Variants in PDE1A observed in about 807,000 individuals in gnomAD.
The protein encoded by PDE1A is phosphodiesterase 1A.
Under a neutral mutation model 61.7 loss-of-function variants are expected in PDE1A, and 35 were observed. The ratio of observed to expected loss-of-function variants is 0.57; its 90% confidence interval spans 0.43 to 0.75. The LOEUF (loss-of-function observed/expected upper bound fraction) is 0.75, where lower values mean the gene tolerates loss of function less well. Ranked by LOEUF, PDE1A falls within the 30% of genes least tolerant of loss-of-function variation. The pLI is 0.00. For synonymous variants in PDE1A, 232 were observed against 213.2 expected, an observed-to-expected ratio of 1.09 and a Z score of -0.77; for missense variants, 597 against 630.6, an observed-to-expected ratio of 0.95 and a Z score of 0.57.
intron 8 of PDE1A, 148 bp from the exon 9 acceptor site, chr2:182,201,937 C>T (rs1405193826): frequency 1.7e-5 from 10 of 601,700 alleles, no homozygotes; most frequent in Non-Finnish European, 2.9e-5. Flanking sequence ...AAAGTCCACA[C>T]ACAAGTTTGA....
chr2:182,326,077 A>G (rs867689700), intron 1 of PDE1A, among the ~76,000 whole-genome samples: 7 of 152,216 alleles, frequency 4.6e-5, no homozygotes, highest in African/African-American at 1.4e-4. Flanking sequence ...CAAAACCACA[A>G]TGAGATATCA....
the PDE1A span, among the ~76,000 whole-genome samples, chr2:182,703,972 G>A: frequency 1.5e-4 from 23 of 151,790 alleles, no homozygotes; most frequent in South Asian, 8.3e-4. Context: ...AGGCTGAGGC[G>A]GGAGGATTAC....
chr2:182,309,764 C>A (rs1428707140), intron 1 of PDE1A, among the ~76,000 whole-genome samples: 3 of 151,942 alleles, frequency 2.0e-5, no homozygotes, highest in African/African-American at 7.3e-5. Context: ...TGGAAAATAT[C>A]AAAACCATAA....
At chr2:182,566,622 G>C in the PDE1A span, among the ~76,000 whole-genome samples, 1 of 151,840 alleles carries the variant, frequency 6.6e-6, no homozygotes, top group African/African-American at 2.4e-5. Context: ...AACTGGAAAA[G>C]GCTTCAGTGT....
intron 1 of PDE1A, among the ~76,000 whole-genome samples, chr2:182,328,543 G>T (rs1390562891): frequency 6.6e-6 from 1 of 152,132 alleles, no homozygotes; most frequent in Non-Finnish European, 1.5e-5. Flanking sequence ...CTATGATCAA[G>T]AATTTTTGGA....
chr2:182,647,687 G>A, the PDE1A span, among the ~76,000 whole-genome samples: 1 of 152,074 alleles, frequency 6.6e-6, no homozygotes, highest in Non-Finnish European at 1.5e-5. Context: ...ATTAGTGTAT[G>A]GCTTTTAAAG....
intron 10 of PDE1A, among the ~76,000 whole-genome samples, chr2:182,199,140 G>A (rs963435919): frequency 3.3e-5 from 5 of 151,828 alleles, no homozygotes; most frequent in African/African-American, 1.2e-4. Flanking sequence ...GGCATAAATT[G>A]TGCATAATAT....
intron 2 of PDE1A, among the ~76,000 whole-genome samples, chr2:182,517,630 T>G (rs531744100): frequency 6.6e-6 from 1 of 152,186 alleles, no homozygotes. Flanking sequence ...AGGTTATTTA[T>G]GAGCTGAAAA....
chr2:182,507,316 G>A (rs922609902), intron 2 of PDE1A, among the ~76,000 whole-genome samples: 1 of 152,128 alleles, frequency 6.6e-6, no homozygotes, highest in African/African-American at 2.4e-5. Context: ...ACAACTTAGT[G>A]GACAACAATA....
intron 1 of PDE1A, among the ~76,000 whole-genome samples, chr2:182,418,914 A>T (rs1298649826): frequency 6.6e-6 from 1 of 152,148 alleles, no homozygotes; most frequent in Non-Finnish European, 1.5e-5. Flanking sequence ...ATCAGCAGAA[A>T]CATTCAGCTG....
chr2:182,545,089 A>G, the PDE1A span, among the ~76,000 whole-genome samples: 2 of 152,158 alleles, frequency 1.3e-5, no homozygotes, highest in Non-Finnish European at 2.9e-5. Flanking sequence ...GTGTTTTCTT[A>G]GTTCATAGCC....
chr2:182,600,141 G>A, the PDE1A span, among the ~76,000 whole-genome samples: 1 of 152,072 alleles, frequency 6.6e-6, no homozygotes, highest in Admixed American at 6.5e-5. Flanking sequence ...ATAAAATTGG[G>A]TAGTTTTATA....
the PDE1A span, among the ~76,000 whole-genome samples, chr2:182,670,067 T>A: frequency 1.2e-4 from 19 of 152,184 alleles, no homozygotes; most frequent in African/African-American, 4.6e-4. Flanking sequence ...CCTGGCCAGC[T>A]CACTGCCACA....
At chr2:182,494,595 C>T (rs1449523473) in intron 2 of PDE1A, among the ~76,000 whole-genome samples, 1 of 152,188 alleles carries the variant, frequency 6.6e-6, no homozygotes, top group Non-Finnish European at 1.5e-5. Context: ...ATGAATCCAC[C>T]TCCCACAGAC....
intron 2 of PDE1A, among the ~76,000 whole-genome samples, chr2:182,449,119 T>C (rs1441651187): frequency 6.6e-6 from 1 of 150,732 alleles, no homozygotes; most frequent in African/African-American, 2.4e-5. Context: ...TAAATCTTCT[T>C]AGGATAGTCT....
chr2:182,358,799 C>T (rs1297499748), intron 1 of PDE1A, among the ~76,000 whole-genome samples: 3 of 152,130 alleles, frequency 2.0e-5, no homozygotes, highest in Non-Finnish European at 4.4e-5. Context: ...GATGAGGAAA[C>T]TGAAGGAGAG....
At chr2:182,607,137 T>TGTTG in the PDE1A span, among the ~76,000 whole-genome samples, 4 of 152,058 alleles carry the variant, frequency 2.6e-5, no homozygotes, top group African/African-American at 9.6e-5. Flanking sequence ...TTATGATGGG[T>TGTTG]GTTGGGTCTA....
intron 13 of PDE1A, among the ~76,000 whole-genome samples, chr2:182,154,765 G>A (rs1029106092): frequency 6.6e-6 from 1 of 152,072 alleles, no homozygotes; most frequent in African/African-American, 2.4e-5. Flanking sequence ...GTCTTTATTA[G>A]CAGTGTGAGA....
At chr2:182,613,826 G>A in the PDE1A span, among the ~76,000 whole-genome samples, 1 of 152,238 alleles carries the variant, frequency 6.6e-6, no homozygotes, top group African/African-American at 2.4e-5. Flanking sequence ...GGTATTTTAG[G>A]TTTTCAAGAG....
Sources: gnomAD v4.1 joint callset for allele counts (sites outside exome capture counted in the v4.1 genomes callset) on GRCh38, gnomAD v4.1.1 for gene constraint, MANE v1.5 for transcripts, NCBI Gene and HGNC (gene_info 2026-07-23, HGNC 2026-07-21) for gene names.